The following PTPN5 variants were observed in gnomAD, a reference collection of about 807,000 sequenced individuals.
PTPN5 encodes the protein tyrosine-protein phosphatase non-receptor type 5.
Under a neutral mutation model 73.9 loss-of-function variants are expected in PTPN5, and 29 were observed. The observed-to-expected ratio is 0.39, with a 90% CI of 0.29 to 0.54. The LOEUF (loss-of-function observed/expected upper bound fraction) is 0.54, where lower values mean the gene tolerates loss of function less well. PTPN5 is among the 20% of genes least tolerant of loss of function. The pLI, the probability that PTPN5 is intolerant of heterozygous loss-of-function variation, is 0.65. For missense variants in PTPN5, 652 were observed against 751.4 expected, an observed-to-expected ratio of 0.87 and a Z score of 1.55; for synonymous variants, 267 against 304.7, an observed-to-expected ratio of 0.88 and a Z score of 1.29.
intron 8 of PTPN5, 35 bp downstream of exon 8, chr11:18,740,568 G>C (rs1849315829): frequency 6.7e-7 from 1 of 1,498,438 alleles, no homozygotes; most frequent in African/African-American, 1.4e-5. Flanking sequence ...ACATGGGTCT[G>C]CACACAGTGG....
chr11:18,747,888 C>A (rs1849711290), intron 3 of PTPN5, among the ~76,000 whole-genome samples: 1 of 152,146 alleles, frequency 6.6e-6, no homozygotes, highest in African/African-American at 2.4e-5. Flanking sequence ...ACTCTTGGCA[C>A]ACAGTAAGTG....
At chr11:18,768,329 G>C (rs1484775684) in intron 2 of PTPN5, among the ~76,000 whole-genome samples, 1 of 152,140 alleles carries the variant, frequency 6.6e-6, no homozygotes, top group African/African-American at 2.4e-5. Context: ...CAGAGAATGG[G>C]GTCTGACTTG....
At chr11:18,738,478 A>G (rs1312750146) in intron 8 of PTPN5, among the ~76,000 whole-genome samples, 1 of 152,224 alleles carries the variant, frequency 6.6e-6, no homozygotes, top group African/African-American at 2.4e-5. Context: ...GTCTGTGTCC[A>G]GAGCTCTGAG....
In PTPN5 at chr11:18,731,656, C is replaced by T. The variant is rs895964825; in HGVS notation, c.1329+936G>A. 5.3e-5 allele frequency among the ~76,000 whole-genome samples: 8 copies of T among 152,294 alleles called. No homozygotes were observed. In the South Asian group the frequency reaches 1.7e-3, roughly 32 times the overall value. Reference sequence around the variant, plus strand: ...CTTTTCACTTCCTGGCCCTTCATGCCCTCCAACAAGACCTGGATCTTAGAG... The same window carrying T: ...CTTTTCACTTCCTGGCCCTTCATGCTCTCCAACAAGACCTGGATCTTAGAG... On this transcript the variant is annotated intron_variant, in intron 12 of 14. Coordinates refer to ENST00000358540, the MANE Select transcript of PTPN5 (RefSeq NM_006906.2).
At chr11:18,738,052 C>G (rs1849195821) in intron 8 of PTPN5, 88 bp from the exon 9 acceptor site, 1 of 1,068,888 alleles carries the variant, frequency 9.4e-7, no homozygotes, top group Admixed American at 1.8e-5. Context: ...ACTCCTAGCC[C>G]AGGGGCTGGC....
intron 2 of PTPN5, 123 bp from the exon 3 acceptor site, chr11:18,766,006 C>G: frequency 1.3e-6 from 1 of 751,256 alleles, no homozygotes; most frequent in South Asian, 1.5e-5. Flanking sequence ...CCCACCCCAT[C>G]AAAGGGACCT....
chr11:18,762,949 G>T (rs1850467231), intron 3 of PTPN5, among the ~76,000 whole-genome samples: 1 of 152,196 alleles, frequency 6.6e-6, no homozygotes, highest in Non-Finnish European at 1.5e-5. Context: ...TCAATCTCTA[G>T]TGCTTACAAC....
chr11:18,785,982 A>G (rs540985365), intron 1 of PTPN5, among the ~76,000 whole-genome samples: 1 of 152,218 alleles, frequency 6.6e-6, no homozygotes, highest in East Asian at 1.9e-4. Context: ...AACATGCTAC[A>G]CCCCAGGTAT....
At chr11:18,751,818 T>C (rs1248937181) in intron 3 of PTPN5, among the ~76,000 whole-genome samples, 1 of 152,262 alleles carries the variant, frequency 6.6e-6, no homozygotes, top group East Asian at 1.9e-4. Context: ...AAAATACGTC[T>C]GTAATTCTTC....
Position 18,756,294 on chromosome 11 carries a change from C to CTTTT in PTPN5, c.97+9509_97+9512dup, listed in dbSNP as rs552226983. On this transcript the variant is annotated intron_variant, in intron 3 of 14. Transcript: ENST00000358540. ...TCTTCTTGGTCCCTTACATCCTTCA[C>CTTTT]TTTTTTTTTTTTTTTTTTTTGAGAC... Among the ~76,000 whole-genome samples, 7 of 111,026 alleles carry CTTTT rather than the reference C, an allele frequency of 6.3e-5. 1 individual carries two copies. Among genetic ancestry groups the CTTTT allele is most frequent in the Non-Finnish European group, 7.2e-5 (4 of 55,402 alleles). The allele number at this position is 111,026 out of a possible 152,430, so 72.8% of individuals were successfully genotyped here. A position where few individuals can be genotyped will look rare whatever the true frequency, so the allele number is the denominator to read the frequency against.
At chr11:18,783,146 C>T (rs1851518925) in intron 1 of PTPN5, among the ~76,000 whole-genome samples, 1 of 152,216 alleles carries the variant, frequency 6.6e-6, no homozygotes, top group African/African-American at 2.4e-5. Context: ...CTCTGAGGTA[C>T]CTCAGATGCT....
chr11:18,740,885 G>T, intron 7 of PTPN5, 93 bp from the exon 8 acceptor site: 1 of 744,488 alleles, frequency 1.3e-6, no homozygotes, highest in Non-Finnish European at 2.0e-6. Flanking sequence ...GGGAGGGAGA[G>T]ATCAGCTGGG....
chr11:18,750,195 A>G (rs1414580703), intron 3 of PTPN5, among the ~76,000 whole-genome samples: 2 of 152,202 alleles, frequency 1.3e-5, no homozygotes, highest in African/African-American at 2.4e-5. Context: ...AGTGCTTTAC[A>G]TGTAGTAACA....
intron 9 of PTPN5, 92 bp downstream of exon 9, chr11:18,737,788 C>G: frequency 8.7e-7 from 1 of 1,150,544 alleles, no homozygotes; most frequent in Admixed American, 1.7e-5. Context: ...CCTGTCACCC[C>G]TAGAGGCCCA....
intron 3 of PTPN5, among the ~76,000 whole-genome samples, chr11:18,750,747 C>A (rs1849850842): frequency 6.6e-6 from 1 of 152,158 alleles, no homozygotes; most frequent in Non-Finnish European, 1.5e-5. Flanking sequence ...TCAATAGTCA[C>A]AACTGTGCTG....
chr11:18,734,536 T>A (rs1321453271), intron 9 of PTPN5, among the ~76,000 whole-genome samples: 1 of 152,212 alleles, frequency 6.6e-6, no homozygotes, highest in East Asian at 1.9e-4. Flanking sequence ...GGTCTTGCTA[T>A]GTTGACTAGG....
At chr11:18,737,815 A>C (rs1440084670) in intron 9 of PTPN5, 65 bp downstream of exon 9, 3 of 1,409,780 alleles carry the variant, frequency 2.1e-6, no homozygotes, top group East Asian at 2.3e-5. Flanking sequence ...GGTCCTCCTC[A>C]GGGTGAGGGG....
At chr11:18,772,799 G>A (rs1053568387) in intron 1 of PTPN5, among the ~76,000 whole-genome samples, 1 of 152,158 alleles carries the variant, frequency 6.6e-6, no homozygotes, top group Non-Finnish European at 1.5e-5. Context: ...TACAATGAAC[G>A]ACAAGCATCT....
intron 3 of PTPN5, among the ~76,000 whole-genome samples, chr11:18,746,192 T>TATACATATATAC (rs550537453): frequency 1.9e-5 from 2 of 102,820 alleles, no homozygotes; most frequent in Admixed American, 2.6e-4. Flanking sequence ...TATATATATA[T>TATACATATATAC]ACATTTTTTT....
Sources: gnomAD v4.1 joint callset for allele counts (sites outside exome capture counted in the v4.1 genomes callset) on GRCh38, gnomAD v4.1.1 for gene constraint, MANE v1.5 for transcripts, NCBI Gene and HGNC (gene_info 2026-07-23, HGNC 2026-07-21) for gene names.